Variants in AGAP1 observed in about 807,000 individuals in gnomAD.
AGAP1 encodes ArfGAP with GTPase domain, ankyrin repeat and PH domain 1.
AGAP1 carries 29 observed loss-of-function variants against 105.3 expected under a neutral mutation model. That is an observed-to-expected ratio of 0.28 (90% confidence interval 0.21 to 0.38). The LOEUF (loss-of-function observed/expected upper bound fraction) is 0.38, where lower values mean the gene tolerates loss of function less well. AGAP1 is among the 10% of genes least tolerant of loss of function. The probability of loss-of-function intolerance (pLI) is 1.00; values close to 1 mark genes in which losing one functional copy is unlikely to be tolerated. For missense variants in AGAP1, 998 were observed against 1,165.1 expected (o/e 0.86, Z 2.09); for synonymous variants, 509 against 485.9 (o/e 1.05, Z -0.63).
In AGAP1 at chr2:236,071,577, A is replaced by C. The variant is rs144412812; in HGVS notation, c.2114+22296A>C. ...TGTGTGCAGAGGGGACTCACGGTAA[A>C]CAGTTCAGCCAGTGTTTGTGAATCT... On this transcript the variant is annotated intron_variant, in intron 16 of 17. Coordinates refer to ENST00000304032, the MANE Select transcript of AGAP1 (RefSeq NM_001037131.3). Among the ~76,000 whole-genome samples the C allele has an allele frequency of 1.9e-3, 297 of 152,330 alleles. 1 individual carries two copies. Among genetic ancestry groups the C allele is most frequent in the African/African-American group, 6.9e-3 (285 of 41,586 alleles).
chr2:235,959,013 A>G lies in AGAP1; in HGVS notation c.1484-9449A>G, dbSNP rs1300285890. ...TAATGGCTGACATTGAATGTGCGGG[A>G]TGGTGCCGGCCCATCCCGGCTCAGC... On this transcript the variant is annotated intron_variant, in intron 12 of 17. Transcript: ENST00000304032. The surrounding 1 kb of genome is among the most constrained non-coding windows in gnomAD (Gnocchi z 7.3). 6.6e-6 allele frequency among the ~76,000 whole-genome samples: 1 copy of G among 152,112 alleles called. No homozygotes were observed. The highest frequency in any genetic ancestry group is 1.9e-4 in the East Asian group (1 of 5,168).
intron 1 of AGAP1, among the ~76,000 whole-genome samples, chr2:235,538,566 T>C (rs1032001295): frequency 2.0e-5 from 3 of 152,006 alleles, no homozygotes; most frequent in Non-Finnish European, 2.9e-5. Flanking sequence ...CACGCCTTGC[T>C]GTCTCCTCCT....
chr2:235,733,768 G>A lies in AGAP1; in HGVS notation c.311-7195G>A, dbSNP rs1444249543. ...TCACCCATGGAAATAGTCAGCAGTC[G>A]CCACATGCAGGGTCCTCACTCACTG... is the stretch of plus-strand genomic sequence containing the variant. On this transcript the variant is annotated intron_variant, in intron 3 of 17. Transcript: ENST00000304032. This position sits in a 1 kb window ranked among gnomAD's most constrained non-coding sequence, Gnocchi z 5.0. Among the ~76,000 whole-genome samples, 1 of 152,068 alleles carries A rather than the reference G, an allele frequency of 6.6e-6. No individual in the cohort carries two copies. Among genetic ancestry groups the A allele is most frequent in the Admixed American group, 6.5e-5 (1 of 15,268 alleles).
rs575895539 is a variant in AGAP1 at position 235,577,432 on chromosome 2, C to T, written c.163+82583C>T. On this transcript the variant is annotated intron_variant, in intron 1 of 17. Coordinates refer to ENST00000304032, the MANE Select transcript of AGAP1 (RefSeq NM_001037131.3). This position sits in a 1 kb window ranked among gnomAD's most constrained non-coding sequence, Gnocchi z 4.5. ...TTTGATTAAAACCCCATTCTCTTGA[C>T]CTTCTGCCCAAAGCCTTTGCCAGAT... Among the ~76,000 whole-genome samples, 5 of 152,252 alleles carry T rather than the reference C, an allele frequency of 3.3e-5. No individual in the cohort carries two copies. In the East Asian group the frequency reaches 5.8e-4, roughly 18 times the overall value.
intron 1 of AGAP1, among the ~76,000 whole-genome samples, chr2:235,686,653 ATATATATATATAT>A (rs1559351056): frequency 2.5e-4 from 15 of 59,064 alleles, no homozygotes; most frequent in African/African-American, 1.9e-3. Flanking sequence ...ATAGATATAT[ATATATATATATAT>A]TTTTTTTTTT....
In AGAP1 at chr2:235,712,386, C is replaced by G. The variant is rs902368472; in HGVS notation, c.222+3149C>G. On this transcript the variant is annotated intron_variant, in intron 2 of 17. Coordinates refer to ENST00000304032, the MANE Select transcript of AGAP1 (RefSeq NM_001037131.3). The surrounding 1 kb of genome is among the most constrained non-coding windows in gnomAD (Gnocchi z 6.0). ...AGTTGCTTTTGGTGCTGCACAGGAG[C>G]CAACCGCTGCTGGCTGCAGATGTGT... is the stretch of plus-strand genomic sequence containing the variant. Among the ~76,000 whole-genome samples, 4 of 152,212 alleles carry G rather than the reference C, an allele frequency of 2.6e-5. No individual in the cohort carries two copies. The highest frequency in any genetic ancestry group is 9.7e-5 in the African/African-American group (4 of 41,450).
intron 1 of AGAP1, among the ~76,000 whole-genome samples, chr2:235,520,850 A>G (rs1043729422): frequency 6.6e-6 from 1 of 152,146 alleles, no homozygotes; most frequent in Non-Finnish European, 1.5e-5. Flanking sequence ...TTAAATGTAC[A>G]TGGTGCATTG....
rs1030866708 is a variant in AGAP1, at chr2:235,721,143, G to A, written c.310+3499G>A. 5.3e-5 allele frequency among the ~76,000 whole-genome samples: 8 copies of A among 152,072 alleles called. No homozygotes were observed. Among genetic ancestry groups the A allele is most frequent in the Non-Finnish European group, 1.2e-4 (8 of 68,028 alleles). On this transcript the variant is annotated intron_variant, in intron 3 of 17. Coordinates refer to ENST00000304032, the MANE Select transcript of AGAP1 (RefSeq NM_001037131.3). The surrounding 1 kb of genome is among the most constrained non-coding windows in gnomAD (Gnocchi z 4.5). ...CTGCCGCAGCCTCCTGAGTAGCTGG[G>A]ATTACAGGCACCCCCCACCGCGCCC...
In AGAP1 at chr2:235,919,664, C is replaced by A. The variant is rs916032373; in HGVS notation, c.1324+10758C>A. ...AATTCAGAGATGACCGGGGAACGCT[C>A]CCCTCAAAACAGTGTTGTCAAATGA... is the stretch of plus-strand genomic sequence containing the variant. On this transcript the variant is annotated intron_variant, in intron 11 of 17. Coordinates refer to ENST00000304032, the MANE Select transcript of AGAP1 (RefSeq NM_001037131.3). This position sits in a 1 kb window ranked among gnomAD's most constrained non-coding sequence, Gnocchi z 4.1. Among the ~76,000 whole-genome samples, 1 of 152,154 alleles carries A rather than the reference C, an allele frequency of 6.6e-6. No homozygotes were observed. Among genetic ancestry groups the A allele is most frequent in the Non-Finnish European group, 1.5e-5 (1 of 68,032 alleles).
chr2:235,508,127 A>G (rs1941911154), intron 1 of AGAP1, among the ~76,000 whole-genome samples: 1 of 152,066 alleles, frequency 6.6e-6, no homozygotes, highest in Non-Finnish European at 1.5e-5. Context: ...TCTTTTTATT[A>G]TGGCTGCATA....
At position 235,893,555 on chromosome 2, in the gene AGAP1, G is replaced by A. The variant is rs760770283; in HGVS notation, c.1155+10106G>A. ...ACCATGTCTGTGGTGCGGGTGTGCC[G>A]TGTCCATCATGAGGGTGCGCCGTGT... On this transcript the variant is annotated intron_variant, in intron 10 of 17. Coordinates refer to ENST00000304032, the MANE Select transcript of AGAP1 (RefSeq NM_001037131.3). This position sits in a 1 kb window ranked among gnomAD's most constrained non-coding sequence, Gnocchi z 4.7. 4.8e-4 allele frequency among the ~76,000 whole-genome samples: 73 copies of A among 152,024 alleles called. No individual in the cohort carries two copies. Among genetic ancestry groups the A allele is most frequent in the Middle Eastern group, 3.4e-3 (1 of 290 alleles).
In AGAP1 at chr2:235,893,207, T is replaced by C. The variant is rs571637223; in HGVS notation, c.1155+9758T>C. Among the ~76,000 whole-genome samples the C allele has an allele frequency of 2.0e-5, 3 of 151,000 alleles. No individual in the cohort carries two copies. The highest frequency in any genetic ancestry group is 2.0e-4 in the East Asian group (1 of 5,024). On this transcript the variant is annotated intron_variant, in intron 10 of 17. Coordinates refer to ENST00000304032, the MANE Select transcript of AGAP1 (RefSeq NM_001037131.3). The surrounding 1 kb of genome is among the most constrained non-coding windows in gnomAD (Gnocchi z 4.7). ...GCGCGGGTGTGGCGTGGGTGTGCCA[T>C]GTCCATCATAATGAAGCACCATGTC... is the stretch of plus-strand genomic sequence containing the variant.
intron 9 of AGAP1, among the ~76,000 whole-genome samples, chr2:235,828,759 G>A (rs141358099): frequency 2.0e-4 from 31 of 152,296 alleles, no homozygotes; most frequent in African/African-American, 3.1e-4. Context: ...CATGTTGCTC[G>A]GATGTCATGA....
chr2:235,611,074 C>T lies in AGAP1; in HGVS notation c.164-98105C>T, dbSNP rs777533942. Among the ~76,000 whole-genome samples, 1 of 152,222 alleles carries T rather than the reference C, an allele frequency of 6.6e-6. No individual in the cohort carries two copies. The highest frequency in any genetic ancestry group is 1.5e-5 in the Non-Finnish European group (1 of 68,042). ...GCAACCCCATAGCCGAGTCAGCTCC[C>T]TGGATGGGCTAGTGTGTTGACCTTC... On this transcript the variant is annotated intron_variant, in intron 1 of 17. Coordinates refer to ENST00000304032, the MANE Select transcript of AGAP1 (RefSeq NM_001037131.3). This position sits in a 1 kb window ranked among gnomAD's most constrained non-coding sequence, Gnocchi z 5.0.
intron 1 of AGAP1, among the ~76,000 whole-genome samples, chr2:235,656,214 T>C (rs542309279): frequency 8.9e-4 from 136 of 152,186 alleles, no homozygotes; most frequent in Non-Finnish European, 1.7e-3. Flanking sequence ...GAGACAGATA[T>C]TCGGGTTTCA....
rs1271915516 is a variant in AGAP1 at position 236,130,581 on chromosome 2, A to G, written c.*6459A>G. 1 of 152,388 alleles carries G rather than the reference A, an allele frequency of 6.6e-6. No homozygotes were observed. The highest frequency in any genetic ancestry group is 2.4e-5 in the African/African-American group (1 of 41,446). The allele number at this position is 152,388 out of a possible 1,614,324, so 9.4% of individuals were successfully genotyped here. On this transcript the variant is annotated 3_prime_UTR_variant, in exon 18 of 18. Transcript: ENST00000304032. The surrounding 1 kb of genome is among the most constrained non-coding windows in gnomAD (Gnocchi z 5.8). ...TCTGAGCCGCTTGGAGAGCTTTGGT[A>G]AACAGAAGACACTGGAAGCCCACTC...
intron 1 of AGAP1, among the ~76,000 whole-genome samples, chr2:235,646,030 A>G (rs1947372208): frequency 6.6e-6 from 1 of 152,124 alleles, no homozygotes. Context: ...TAATCCCAGC[A>G]CTTTAGGAGT....
rs1203340603 is a variant in AGAP1 at position 235,686,663 on chromosome 2, A to ATT, written c.164-22515_164-22514insTT. Among the ~76,000 whole-genome samples, 570 of 59,746 alleles carry ATT rather than the reference A, an allele frequency of 9.5e-3. 13 individuals are homozygous for ATT. The highest frequency in any genetic ancestry group is 0.013 in the Middle Eastern group (1 of 78). The allele number at this position is 59,746 out of a possible 152,430, so 39.2% of individuals were successfully genotyped here. A position where few individuals can be genotyped will look rare whatever the true frequency, so the allele number is the denominator to read the frequency against. ...TATATATAGATATATATATATATATATATTTTTTTTTTTTTTTAGACAGAG... is the reference window on the plus strand; with the variant it reads ...TATATATAGATATATATATATATATATTTATTTTTTTTTTTTTTTAGACAGAG... On this transcript the variant is annotated intron_variant, in intron 1 of 17. Transcript: ENST00000304032.
In AGAP1 at chr2:235,874,208, G is replaced by T. The variant is rs2049594088; in HGVS notation, c.1051-9137G>T. On this transcript the variant is annotated intron_variant, in intron 9 of 17. Transcript: ENST00000304032. This position sits in a 1 kb window ranked among gnomAD's most constrained non-coding sequence, Gnocchi z 4.5. The stretch of plus-strand genomic sequence containing the variant: ...TAGGTCTACAGGCGCACACCACCAT[G>T]CCCAGCTAATTTTTTGCATTTTACT... 6.6e-6 allele frequency among the ~76,000 whole-genome samples: 1 copy of T among 151,850 alleles called. No individual in the cohort carries two copies. The highest frequency in any genetic ancestry group is 1.5e-5 in the Non-Finnish European group (1 of 67,970).
Sources: allele counts gnomAD v4.1 joint callset (sites outside exome capture counted in the v4.1 genomes callset), GRCh38; gene constraint gnomAD v4.1.1; non-coding constraint Gnocchi (gnomAD v3.1); transcripts MANE v1.5; gene names NCBI Gene and HGNC (gene_info 2026-07-23, HGNC 2026-07-21).